The following SLC16A7 variants were observed in gnomAD, a reference collection of about 807,000 sequenced individuals.
SLC16A7 encodes the protein solute carrier family 16 member 7.
In SLC16A7, 33 loss-of-function variants were observed where a neutral mutation model predicts 34.9. The observed-to-expected ratio is 0.94, with a 90% CI of 0.72 to 1.26. The LOEUF (loss-of-function observed/expected upper bound fraction) is 1.26, where lower values mean the gene tolerates loss of function less well. Ranked by LOEUF, SLC16A7 falls within the 50% of genes most tolerant of loss-of-function variation. The pLI is 0.00. For missense variants in SLC16A7, 573 were observed against 578.1 expected (o/e 0.99, Z 0.09); for synonymous variants, 201 against 206.6 (o/e 0.97, Z 0.23).
intron 5 of SLC16A7, among the ~76,000 whole-genome samples, chr12:59,777,588 T>C (rs1214619237): frequency 6.6e-6 from 1 of 151,942 alleles, no homozygotes; most frequent in Non-Finnish European, 1.5e-5. Context: ...AATTCTTTTT[T>C]TTTTCTTATT....
At chr12:59,742,104 C>T (rs1406956126) in intron 3 of SLC16A7, among the ~76,000 whole-genome samples, 1 of 152,128 alleles carries the variant, frequency 6.6e-6, no homozygotes, top group East Asian at 1.9e-4. Context: ...GTGGGCTGCT[C>T]ACATGCACAG....
At chr12:59,679,413 G>A (rs1461530636) in intron 2 of SLC16A7, among the ~76,000 whole-genome samples, 1 of 152,154 alleles carries the variant, frequency 6.6e-6, no homozygotes, top group African/African-American at 2.4e-5. Context: ...GGCATTTTTT[G>A]TTACCTATTA....
chr12:59,611,553 T>C (rs540251592), intron 1 of SLC16A7, among the ~76,000 whole-genome samples: 2 of 152,300 alleles, frequency 1.3e-5, no homozygotes, highest in East Asian at 3.9e-4. Context: ...ATCCTCACAT[T>C]TTATAACAAA....
chr12:59,695,633 A>T (rs1872200264), intron 2 of SLC16A7, among the ~76,000 whole-genome samples: 1 of 152,016 alleles, frequency 6.6e-6, no homozygotes, highest in Non-Finnish European at 1.5e-5. Flanking sequence ...ACGTCATTTG[A>T]CCTGGTGGCT....
intron 3 of SLC16A7, among the ~76,000 whole-genome samples, chr12:59,754,012 C>T (rs1318867147): frequency 6.6e-6 from 1 of 152,010 alleles, no homozygotes; most frequent in African/African-American, 2.4e-5. Context: ...GACTACTGGG[C>T]ACATAACGAA....
chr12:59,734,264 C>A (rs1031999546), intron 3 of SLC16A7: 1 of 166,678 alleles, frequency 6.0e-6, no homozygotes, highest in African/African-American at 2.4e-5. Context: ...CTCATTGATG[C>A]ACAGAGTTTC....
chr12:59,707,076 C>G (rs1353496541), intron 3 of SLC16A7, among the ~76,000 whole-genome samples: 1 of 152,084 alleles, frequency 6.6e-6, no homozygotes, highest in African/African-American at 2.4e-5. Flanking sequence ...TAAATCTGCT[C>G]CATCTGTTGG....
At position 59,615,620 on chromosome 12, in the gene SLC16A7, A is replaced by G. The variant is rs190029570; in HGVS notation, c.-130+19384A>G. Among the ~76,000 whole-genome samples, 15 of 152,338 alleles carry G rather than the reference A, an allele frequency of 9.8e-5. No individual in the cohort carries two copies. The East Asian group carries it at 2.7e-3, about 27-fold the overall frequency. ...TCACACTGTATAGCAACACACCTGC[A>G]TCAATAATAATACCAGCAAAGTTAC... On this transcript the variant is annotated intron_variant, in intron 1 of 5. Transcript: ENST00000547379.
intron 1 of SLC16A7, among the ~76,000 whole-genome samples, chr12:59,609,738 ATACT>A (rs1161449037): frequency 6.6e-6 from 1 of 152,146 alleles, no homozygotes; most frequent in Non-Finnish European, 1.5e-5. Context: ...TGAAGCAGTA[ATACT>A]TAATGCTTGC....
At chr12:59,664,765 T>A (rs1869056723) in intron 2 of SLC16A7, 1 of 152,076 alleles carries the variant, frequency 6.6e-6, no homozygotes, top group Admixed American at 6.6e-5. Flanking sequence ...AGCAGGTTCT[T>A]GAAAAAGAGA....
chr12:59,757,580 A>T (rs1802652654), intron 3 of SLC16A7, among the ~76,000 whole-genome samples: 1 of 152,160 alleles, frequency 6.6e-6, no homozygotes, highest in African/African-American at 2.4e-5. Context: ...AAACATTTTT[A>T]GAGAAATGAA....
intron 2 of SLC16A7, among the ~76,000 whole-genome samples, chr12:59,662,387 G>A (rs1265069471): frequency 6.6e-6 from 1 of 151,920 alleles, no homozygotes; most frequent in East Asian, 1.9e-4. Context: ...ATTTATCAAG[G>A]TTTTCTCCTA....
chr12:59,621,733 T>C (rs1194575350), intron 1 of SLC16A7, among the ~76,000 whole-genome samples: 1 of 151,838 alleles, frequency 6.6e-6, no homozygotes, highest in Non-Finnish European at 1.5e-5. Flanking sequence ...GGACTTCAAA[T>C]TTTATATGCT....
At chr12:59,754,214 A>G (rs551490675) in intron 3 of SLC16A7, among the ~76,000 whole-genome samples, 3 of 152,302 alleles carry the variant, frequency 2.0e-5, no homozygotes, top group African/African-American at 7.2e-5. Context: ...AGCAAGAGCA[A>G]ATACATTCAA....
intron 1 of SLC16A7, among the ~76,000 whole-genome samples, chr12:59,612,071 T>A (rs913968586): frequency 5.3e-5 from 8 of 152,216 alleles, no homozygotes; most frequent in African/African-American, 1.9e-4. Context: ...CACCAGGCGG[T>A]GCCCCGATGG....
intron 2 of SLC16A7, among the ~76,000 whole-genome samples, chr12:59,681,151 A>G (rs1870715883): frequency 1.3e-5 from 2 of 152,260 alleles, no homozygotes; most frequent in Admixed American, 6.5e-5. Flanking sequence ...TTAAAACATC[A>G]TTGTGTTTAG....
chr12:59,597,093 C>T (rs956456615), intron 1 of SLC16A7: 4 of 152,248 alleles, frequency 2.6e-5, no homozygotes, highest in Admixed American at 1.3e-4. Flanking sequence ...TTCTCCACCC[C>T]CTTTTCTCCT....
At chr12:59,638,058 A>G (rs1880514271) in intron 1 of SLC16A7, among the ~76,000 whole-genome samples, 1 of 152,122 alleles carries the variant, frequency 6.6e-6, no homozygotes, top group Admixed American at 6.6e-5. Context: ...GTTTTCTGTT[A>G]TAGCAGTACA....
intron 2 of SLC16A7, among the ~76,000 whole-genome samples, chr12:59,666,950 A>G (rs1795902): frequency 0.51 from 76,839 of 151,966 alleles, 20,622 homozygotes; most frequent in East Asian, 0.71. Flanking sequence ...AAGACATTCC[A>G]GAGACTGGGA....
Sources: gnomAD v4.1 joint callset for allele counts (sites outside exome capture counted in the v4.1 genomes callset) on GRCh38, gnomAD v4.1.1 for gene constraint, MANE v1.5 for transcripts, NCBI Gene and HGNC (gene_info 2026-07-23, HGNC 2026-07-21) for gene names.